Variants in SSX1 observed in about 807,000 individuals in gnomAD.
SSX1 encodes SSX family member 1.
A neutral mutation model predicts 14.6 loss-of-function variants in SSX1; 58 were observed. The ratio of observed to expected loss-of-function variants is 3.96; its 90% CI spans 3.21 to 4.93. SSX1 has a LOEUF of 4.93. Among genes scored for constraint, SSX1 ranks in the 30% most tolerant of loss-of-function variants. The probability of loss-of-function intolerance (pLI) is 0.00; values close to 1 mark genes in which losing one functional copy is unlikely to be tolerated. For missense variants in SSX1, 272 were observed against 143.1 expected (o/e 1.90, Z -4.60); for synonymous variants, 46 against 52.1 (o/e 0.88, Z 0.50).
At position 48,257,744 on chromosome X, in the gene SSX1, A is replaced by T. The variant is rs782264223; in HGVS notation, c.70-2A>T. On this transcript the variant is annotated splice_acceptor_variant, in intron 2 of 7. Coordinates refer to ENST00000376919, the MANE Select transcript of SSX1 (RefSeq NM_005635.4). LOFTEE classifies it high-confidence loss of function. The stretch of plus-strand genomic sequence containing the variant: ...TGACAAATTTTATTTTATTTTTTTT[A>T]GGCCTTTGATGATATTGCCACATAC... The T allele has an allele frequency of 1.6e-5, 19 of 1,192,352 alleles. No homozygotes were observed. Among genetic ancestry groups the T allele is most frequent in the Non-Finnish European group, 2.2e-5 (19 of 881,474 alleles).
In SSX1 at chrX:48,261,835, A is replaced by G. The variant is rs1468246489; in HGVS notation, c.330+20A>G. On this transcript the variant is annotated intron_variant, in intron 5 of 7. Coordinates refer to ENST00000376919, the MANE Select transcript of SSX1 (RefSeq NM_005635.4). ...CCGAAGGTGAGTATCTCTCAAATCT[A>G]AAGGACCAGAGAACCTTTTTCCTTT... The G allele has an allele frequency of 1.2e-5, 14 of 1,206,102 alleles. No homozygotes were observed. Among genetic ancestry groups the G allele is most frequent in the Non-Finnish European group, 1.6e-5 (14 of 892,284 alleles).
In SSX1 at chrX:48,257,002, G is replaced by A. The variant is rs182532582; in HGVS notation, c.-20-220G>A. 1.1e-4 allele frequency among the ~76,000 whole-genome samples: 12 copies of A among 110,509 alleles called. No individual in the cohort carries two copies. The East Asian group carries it at 3.5e-3, about 32-fold the overall frequency. ...CCCTCCCAAAGACTCAAGGCTGCTA[G>A]GAAACCTGTCATCCCCAAGCAATAC... On this transcript the variant is annotated intron_variant, in intron 1 of 7. Coordinates refer to ENST00000376919, the MANE Select transcript of SSX1 (RefSeq NM_005635.4).
rs782449603 is a variant in SSX1 at position 48,266,350 on chromosome X, A to G, written c.530A>G (p.Tyr177Cys). The change falls in exon 7 of 8, where the codon TAT (tyrosine) becomes TGT (cysteine). Residue 177 changes from tyrosine (Y) to cysteine (C), a missense_variant. Tyr to Cys is a radical substitution (Grantham distance 194). Transcript: ENST00000376919. ...CGTGAGAGAAAGCAGCTGGTGATTTATGAAGAGATCAGTGACCCTGAGGAA... is the reference window on the plus strand; with the variant it reads ...CGTGAGAGAAAGCAGCTGGTGATTTGTGAAGAGATCAGTGACCCTGAGGAA... Reference protein sequence around the residue: ...RLRERKQLVIYEEISDPEEDD... With the variant: ...RLRERKQLVICEEISDPEEDD... 2.9e-5 allele frequency: 35 copies of G among 1,208,336 alleles called. No individual in the cohort carries two copies. Among genetic ancestry groups the G allele is most frequent in the Middle Eastern group, 6.4e-4 (2 of 3,132 alleles).
At chrX:48,257,536 G>A (rs781805497) in intron 2 of SSX1, 1 of 751,549 alleles carries the variant, frequency 1.3e-6, no homozygotes, top group South Asian at 6.9e-5. Flanking sequence ...TCTGGAAGGT[G>A]GGAAGAGAGC....
At chrX:48,255,795 C>T (rs1405044974) in intron 1 of SSX1, among the ~76,000 whole-genome samples, 1 of 97,842 alleles carries the variant, frequency 1.0e-5, no homozygotes, top group Non-Finnish European at 2.0e-5. Flanking sequence ...TTAGTACAGA[C>T]GGTTTTGCTA....
In SSX1 at chrX:48,257,335, G is replaced by A. The variant is rs140076458; in HGVS notation, c.69+25G>A. The A allele has an allele frequency of 8.9e-3, 10,695 of 1,204,782 alleles. 67 individuals are homozygous for A. Among genetic ancestry groups the A allele is most frequent in the Non-Finnish European group, 9.8e-3 (8,710 of 891,515 alleles). On this transcript the variant is annotated intron_variant, in intron 2 of 7. Transcript: ENST00000376919. ...GGTGACGTGACCTGGAGGGGGCAGA[G>A]CAGTGGTCCAGGGGACAGAGTAGGG...
In SSX1 at chrX:48,266,285, A is replaced by G. The variant is rs1556936402; in HGVS notation, c.467-2A>G. ...TCATCTTCCAACTCTTCTCCATCATAGGACCCAAAAGGGGGAAACATGCCT... is the reference window on the plus strand; with the variant it reads ...TCATCTTCCAACTCTTCTCCATCATGGGACCCAAAAGGGGGAAACATGCCT... On this transcript the variant is annotated splice_acceptor_variant, in intron 6 of 7. Coordinates refer to ENST00000376919, the MANE Select transcript of SSX1 (RefSeq NM_005635.4). LOFTEE classifies it high-confidence loss of function. The G allele has an allele frequency of 5.8e-5, 70 of 1,209,948 alleles. 1 individual carries two copies. Among genetic ancestry groups the G allele is most frequent in the Non-Finnish European group, 7.3e-5 (65 of 895,315 alleles).
chrX:48,260,622 C>G (rs1201162127), intron 4 of SSX1, among the ~76,000 whole-genome samples: 90 of 111,378 alleles, frequency 8.1e-4, no homozygotes, highest in Non-Finnish European at 1.5e-3. Context: ...ACCCCATTGT[C>G]TCAGCCCAAA....
chrX:48,258,727 T>G (rs1333499186), intron 4 of SSX1, 96 bp downstream of exon 4: 1 of 704,397 alleles, frequency 1.4e-6, no homozygotes, highest in Non-Finnish European at 2.2e-6. Context: ...TGTTCCCTCA[T>G]ACACATCAGG....
chrX:48,264,273 G>T (rs1429329833), intron 6 of SSX1, among the ~76,000 whole-genome samples: 1 of 112,086 alleles, frequency 8.9e-6, no homozygotes, highest in African/African-American at 3.2e-5. Context: ...GTGATAACCT[G>T]GGATCATATC....
rs782074742 is a variant in SSX1 at position 48,257,830 on chromosome X, A to G, written c.154A>G (p.Lys52Glu). ...GGAGAAAATCAGCTATGTGTATATG[A>G]AGAGAAACTATAAGGCCATGACTAA... Reference protein sequence around the residue: ...YSEKISYVYMKRNYKAMTKLG... With the variant: ...YSEKISYVYMERNYKAMTKLG... Residue 52 changes from lysine to glutamate, a missense_variant, in exon 3 of 8, where the codon AAG becomes GAG. Coordinates refer to ENST00000376919, the MANE Select transcript of SSX1 (RefSeq NM_005635.4). 8.3e-7 allele frequency: 1 copy of G among 1,198,623 alleles called. No homozygotes were observed. The highest frequency in any genetic ancestry group is 1.1e-6 in the Non-Finnish European group (1 of 886,986).
At chrX:48,256,105 G>A (rs1432163015) in intron 1 of SSX1, among the ~76,000 whole-genome samples, 4 of 107,057 alleles carry the variant, frequency 3.7e-5, no homozygotes. Context: ...CTCGGCTCAA[G>A]TGATCCTCCC....
chrX:48,257,700 A>G, intron 2 of SSX1, 46 bp from the exon 3 acceptor site: 2 of 1,166,400 alleles, frequency 1.7e-6, no homozygotes, highest in Non-Finnish European at 2.3e-6. Flanking sequence ...TGAATGGCAG[A>G]CATACCTAGC....
In SSX1 at chrX:48,259,090, G is replaced by A. The variant is rs1355120238; in HGVS notation, c.280+459G>A. Among the ~76,000 whole-genome samples, 14 of 111,331 alleles carry A rather than the reference G, an allele frequency of 1.3e-4. No individual in the cohort carries two copies. The East Asian group carries it at 3.9e-3, about 31-fold the overall frequency. On this transcript the variant is annotated intron_variant, in intron 4 of 7. Coordinates refer to ENST00000376919, the MANE Select transcript of SSX1 (RefSeq NM_005635.4). Reference sequence around the variant, plus strand: ...CAGCCCACTACAACCTCTGCCTCCCGGGTTCAAACGATTCTCCTGCCTCAG... The same window carrying A: ...CAGCCCACTACAACCTCTGCCTCCCAGGTTCAAACGATTCTCCTGCCTCAG...
chrX:48,264,055 T>C, intron 6 of SSX1, 138 bp downstream of exon 6: 1 of 1,061,648 alleles, frequency 9.4e-7, no homozygotes, highest in Non-Finnish European at 1.3e-6. Flanking sequence ...CCAGATGAGA[T>C]GTTAGACATG....
intron 5 of SSX1, among the ~76,000 whole-genome samples, chrX:48,262,403 G>C (rs1237928869): frequency 1.8e-5 from 2 of 112,163 alleles, no homozygotes; most frequent in Non-Finnish European, 3.8e-5. Context: ...TGCTCACTAG[G>C]GCTTTACCCC....
intron 5 of SSX1, among the ~76,000 whole-genome samples, chrX:48,262,682 G>A (rs1556935690): frequency 9.0e-6 from 1 of 111,503 alleles, no homozygotes; most frequent in Non-Finnish European, 1.9e-5. Flanking sequence ...TCTGGGAGTT[G>A]GGTTGCCAGT....
chrX:48,263,704 G>A (rs56131009), intron 5 of SSX1, 78 bp from the exon 6 acceptor site: 510,807 of 1,165,379 alleles, frequency 0.44, 78,231 homozygotes, highest in Non-Finnish European at 0.46. Flanking sequence ...GGTAATGCAT[G>A]TGAAGACGCT....
In SSX1 at chrX:48,257,317, T is replaced by A. The variant is rs782754922; in HGVS notation, c.69+7T>A. ...ATCAGAGAAGAGAAGCAAGGTGACGTGACCTGGAGGGGGCAGAGCAGTGGT... is the reference window on the plus strand; with the variant it reads ...ATCAGAGAAGAGAAGCAAGGTGACGAGACCTGGAGGGGGCAGAGCAGTGGT... On this transcript the variant is annotated splice_region_variant and intron_variant, in intron 2 of 7. Transcript: ENST00000376919. The A allele has an allele frequency of 3.8e-5, 46 of 1,207,436 alleles. No individual in the cohort carries two copies. The highest frequency in any genetic ancestry group is 5.3e-5 in the African/African-American group (3 of 56,788).
Sources: allele counts gnomAD v4.1 joint callset (sites outside exome capture counted in the v4.1 genomes callset), GRCh38; gene constraint gnomAD v4.1.1; transcripts MANE v1.5; gene names NCBI Gene and HGNC (gene_info 2026-07-23, HGNC 2026-07-21).